DLG1: variants seen among roughly 807,000 people sequenced by gnomAD.
DLG1 encodes discs large MAGUK scaffold protein 1.
DLG1 carries 42 observed loss-of-function variants against 123.4 expected under a neutral mutation model. The observed-to-expected ratio is 0.34, with a 90% CI of 0.27 to 0.44. The LOEUF is 0.44. Ranked by LOEUF, DLG1 falls within the 20% of genes least tolerant of loss-of-function variation. The pLI is 1.00. For missense variants in DLG1, 942 were observed against 1,082.6 expected (o/e 0.87, Z 1.82); for synonymous variants, 317 against 356.2 (o/e 0.89, Z 1.24).
intron 12 of DLG1, among the ~76,000 whole-genome samples, chr3:197,118,330 A>G (rs1336409341): frequency 6.6e-6 from 1 of 152,236 alleles, no homozygotes; most frequent in African/African-American, 2.4e-5. Context: ...TCACTCTAGA[A>G]GCACTGCCTG....
intron 8 of DLG1, 24 bp downstream of exon 8, chr3:197,140,116 C>T (rs374068653): frequency 5.7e-5 from 91 of 1,604,042 alleles, no homozygotes; most frequent in Non-Finnish European, 7.1e-5. Context: ...GATTCAGCAT[C>T]ACAATAAAAA....
chr3:197,165,660 G>C (rs965871232), intron 5 of DLG1, among the ~76,000 whole-genome samples: 1 of 152,074 alleles, frequency 6.6e-6, no homozygotes, highest in Non-Finnish European at 1.5e-5. Context: ...AATAACAATC[G>C]TAACTGATAC....
At chr3:197,155,449 G>C (rs1795954487) in intron 5 of DLG1, among the ~76,000 whole-genome samples, 1 of 152,120 alleles carries the variant, frequency 6.6e-6, no homozygotes, top group Non-Finnish European at 1.5e-5. Context: ...TAGCAGTTCA[G>C]GTTGAAATGA....
In DLG1 at chr3:197,069,333, G is replaced by A. The variant is rs532484559; in HGVS notation, c.2006-73C>T. The A allele has an allele frequency of 2.0e-5, 21 of 1,036,460 alleles. No individual in the cohort carries two copies. The African/African-American group carries it at 3.0e-4, about 15-fold the overall frequency. 64.2% of individuals were successfully genotyped at this position (1,036,460 alleles called of 1,614,324 possible). A position where few individuals can be genotyped will look rare whatever the true frequency, so the allele number is the denominator to read the frequency against. ...AAAAAGCAAATAATCAAAATGAAAT[G>A]TTGAGATATAAGCCATATATAACAA... On this transcript the variant is annotated intron_variant, in intron 18 of 24. Transcript: ENST00000667157.
chr3:197,138,710 TA>T (rs752876446), intron 8 of DLG1, among the ~76,000 whole-genome samples: 11 of 152,344 alleles, frequency 7.2e-5, no homozygotes, highest in Middle Eastern at 3.4e-3. Flanking sequence ...ACACACTTTA[TA>T]AAAATAGCAA....
At chr3:197,201,473 C>T (rs1037353920) in intron 4 of DLG1, among the ~76,000 whole-genome samples, 3 of 152,168 alleles carry the variant, frequency 2.0e-5, no homozygotes, top group Admixed American at 1.3e-4. Context: ...TTTCAGGATA[C>T]GAAATCAATG....
At chr3:197,091,725 C>A (rs1175633671) in intron 14 of DLG1, among the ~76,000 whole-genome samples, 3 of 151,978 alleles carry the variant, frequency 2.0e-5, no homozygotes, top group Non-Finnish European at 4.4e-5. Flanking sequence ...AGTTTAAGCA[C>A]CTTTTCAAAA....
intron 22 of DLG1, among the ~76,000 whole-genome samples, chr3:197,063,536 C>T (rs1433077633): frequency 3.9e-5 from 6 of 152,090 alleles, no homozygotes; most frequent in Non-Finnish European, 8.8e-5. Flanking sequence ...TATTCTTTTG[C>T]ATGTTGTGTA....
intron 23 of DLG1, among the ~76,000 whole-genome samples, chr3:197,057,948 A>G (rs1048468633): frequency 3.3e-5 from 5 of 151,562 alleles, no homozygotes; most frequent in African/African-American, 4.8e-5. Flanking sequence ...CTGCTCTGCC[A>G]TATTTTTTAT....
chr3:197,284,465 A>G (rs1770856850), intron 3 of DLG1, among the ~76,000 whole-genome samples: 1 of 152,206 alleles, frequency 6.6e-6, no homozygotes, highest in Non-Finnish European at 1.5e-5. Context: ...CAATAAACCT[A>G]TGCAAAAATT....
chr3:197,211,240 G>T lies in DLG1; in HGVS notation c.319-16651C>A, dbSNP rs995585111. ...AAGAAGAGCTGGTACCATTTCTACCGAAACTATTCCAAAAAAATTAAAGAG... is the reference window on the plus strand; with the variant it reads ...AAGAAGAGCTGGTACCATTTCTACCTAAACTATTCCAAAAAAATTAAAGAG... On this transcript the variant is annotated intron_variant, in intron 4 of 24. Transcript: ENST00000667157. Among the ~76,000 whole-genome samples the T allele has an allele frequency of 2.1e-5, 3 of 145,852 alleles. 1 individual carries two copies. The highest frequency in any genetic ancestry group is 3.1e-5 in the Non-Finnish European group (2 of 65,036).
At chr3:197,108,552 T>C (rs1767901244) in intron 13 of DLG1, among the ~76,000 whole-genome samples, 1 of 151,822 alleles carries the variant, frequency 6.6e-6, no homozygotes, top group Admixed American at 6.6e-5. Flanking sequence ...GTATTGGTAA[T>C]TAGAGTATAT....
intron 12 of DLG1, among the ~76,000 whole-genome samples, chr3:197,118,708 C>T (rs1774635024): frequency 6.6e-6 from 1 of 152,082 alleles, no homozygotes; most frequent in Admixed American, 6.5e-5. Context: ...AATGCTTTTT[C>T]ACCAATTTTT....
intron 5 of DLG1, among the ~76,000 whole-genome samples, chr3:197,185,655 T>C (rs1715487763): frequency 6.6e-6 from 1 of 152,148 alleles, no homozygotes; most frequent in Admixed American, 6.5e-5. Flanking sequence ...CTGATTAGTG[T>C]GGTTTATATA....
In DLG1 at chr3:197,065,889, T is replaced by C. The variant is rs1166040243; in HGVS notation, c.2099-80A>G. 28 of 917,520 alleles carry C rather than the reference T, an allele frequency of 3.1e-5. 1 individual carries two copies. Among genetic ancestry groups the C allele is most frequent in the Admixed American group, 2.6e-4 (11 of 41,740 alleles). The allele number at this position is 917,520 out of a possible 1,614,324, so 56.8% of individuals were successfully genotyped here. ...ATTTTATTTCACCAGCGAACAAAAA[T>C]ATCCTTAACTGTTATGACTAATTTT... On this transcript the variant is annotated intron_variant, in intron 20 of 24. Transcript: ENST00000667157.
At chr3:197,269,977 CT>C (rs1763246266) in intron 4 of DLG1, among the ~76,000 whole-genome samples, 1 of 152,154 alleles carries the variant, frequency 6.6e-6, no homozygotes, top group South Asian at 2.1e-4. Flanking sequence ...GTGCTTTCTT[CT>C]CACGCGATAT....
chr3:197,195,866 C>G (rs898696987), intron 4 of DLG1, among the ~76,000 whole-genome samples: 2 of 151,864 alleles, frequency 1.3e-5, no homozygotes, highest in Admixed American at 6.6e-5. Context: ...TATGTACCCC[C>G]TGAACTTAAA....
At chr3:197,175,729 G>C (rs1806669299) in intron 5 of DLG1, among the ~76,000 whole-genome samples, 1 of 152,202 alleles carries the variant, frequency 6.6e-6, no homozygotes, top group East Asian at 1.9e-4. Flanking sequence ...TGTAGCATCA[G>C]CTCTTGTGAA....
chr3:197,157,254 G>C (rs910093331), intron 5 of DLG1, among the ~76,000 whole-genome samples: 2 of 152,158 alleles, frequency 1.3e-5, no homozygotes, highest in Non-Finnish European at 2.9e-5. Context: ...GTTCACAAAT[G>C]ATATGATCTT....
Sources: allele counts gnomAD v4.1 joint callset (sites outside exome capture counted in the v4.1 genomes callset), GRCh38; gene constraint gnomAD v4.1.1; transcripts MANE v1.5; gene names NCBI Gene and HGNC (gene_info 2026-07-23, HGNC 2026-07-21).